Variants in SLC24A2 observed in about 807,000 individuals in gnomAD.
The protein encoded by SLC24A2 is sodium/potassium/calcium exchanger 2.
A neutral mutation model predicts 62.0 loss-of-function variants in SLC24A2; 36 were observed. The ratio of observed to expected loss-of-function variants is 0.58; its 90% CI spans 0.44 to 0.77. The LOEUF is 0.77. SLC24A2 is among the 30% of genes least tolerant of loss of function. The probability of loss-of-function intolerance (pLI) is 0.00; values close to 1 mark genes in which losing one functional copy is unlikely to be tolerated. For missense variants in SLC24A2, 846 were observed against 817.9 expected, an observed-to-expected ratio of 1.03 and a Z score of -0.42; for synonymous variants, 358 against 294.0, an observed-to-expected ratio of 1.22 and a Z score of -2.23.
At chr9:20,087,079 T>C in the SLC24A2 span, among the ~76,000 whole-genome samples, 2 of 152,196 alleles carry the variant, frequency 1.3e-5, no homozygotes, top group Non-Finnish European at 2.9e-5. Flanking sequence ...TATATCTGGC[T>C]CTTGCCTGAA....
the SLC24A2 span, among the ~76,000 whole-genome samples, chr9:20,038,664 T>C: frequency 6.8e-6 from 1 of 147,208 alleles, no homozygotes; most frequent in Non-Finnish European, 1.5e-5. Flanking sequence ...TCTTGCAAGA[T>C]AAAATCAGGA....
At chr9:20,209,806 C>A in the SLC24A2 span, among the ~76,000 whole-genome samples, 1 of 152,074 alleles carries the variant, frequency 6.6e-6, no homozygotes, top group Admixed American at 6.5e-5. Context: ...GAACAGGAAT[C>A]AATAGAAACC....
chr9:20,254,844 C>G, the SLC24A2 span, among the ~76,000 whole-genome samples: 1 of 152,116 alleles, frequency 6.6e-6, no homozygotes, highest in African/African-American at 2.4e-5. Context: ...GCTGGGGAGG[C>G]CTCACAGTCC....
At chr9:19,789,108 G>GCGCTGTGCGCTGGGAGCGGGGC (rs1823269735), upstream of SLC24A2, among the ~76,000 whole-genome samples, 1 of 152,198 alleles carries the variant, frequency 6.6e-6, no homozygotes, top group Admixed American at 6.5e-5. Flanking sequence ...TCTGGGCTGT[G>GCGCTGTGCGCTGGGAGCGGGGC]CGCTGTGCGC....
chr9:19,895,821 G>A, the SLC24A2 span: 3 of 1,601,758 alleles, frequency 1.9e-6, no homozygotes, highest in South Asian at 2.3e-5. Flanking sequence ...TGCAGCTGGT[G>A]TGGAAGGACC....
At chr9:19,565,601 C>G (rs1835616329) in intron 7 of SLC24A2, among the ~76,000 whole-genome samples, 1 of 152,046 alleles carries the variant, frequency 6.6e-6, no homozygotes, top group South Asian at 2.1e-4. Context: ...ACTTTTTTCA[C>G]AGAATTGGAA....
intron 2 of SLC24A2, among the ~76,000 whole-genome samples, chr9:19,729,080 C>G (rs1340046429): frequency 6.6e-6 from 1 of 152,038 alleles, no homozygotes; most frequent in East Asian, 1.9e-4. Context: ...ATAAGAGGAA[C>G]TGAATAGACA....
At chr9:19,928,497 A>C in the SLC24A2 span, 1 of 152,158 alleles carries the variant, frequency 6.6e-6, no homozygotes, top group Admixed American at 6.5e-5. Flanking sequence ...AATCCCTCTG[A>C]GGTTCTCTTT....
intron 2 of SLC24A2, among the ~76,000 whole-genome samples, chr9:19,730,234 G>C (rs981707148): frequency 1.1e-4 from 17 of 152,066 alleles, no homozygotes; most frequent in African/African-American, 3.6e-4. Context: ...GAAAATATTT[G>C]AATGTGAAAA....
At chr9:19,558,226 G>A (rs1322089123) in intron 7 of SLC24A2, among the ~76,000 whole-genome samples, 1 of 152,198 alleles carries the variant, frequency 6.6e-6, no homozygotes, top group Non-Finnish European at 1.5e-5. Context: ...GGGGTGTGTG[G>A]AGAGTAGGGG....
chr9:19,577,176 A>G (rs1836043698), intron 5 of SLC24A2, among the ~76,000 whole-genome samples, 154 bp from the exon 6 acceptor site: 1 of 152,106 alleles, frequency 6.6e-6, no homozygotes, highest in Admixed American at 6.5e-5. Context: ...CCTGAAGGGT[A>G]CTTTCTTGCC....
intron 2 of SLC24A2, among the ~76,000 whole-genome samples, chr9:19,659,634 C>G (rs1449257962): frequency 6.6e-6 from 1 of 152,098 alleles, no homozygotes; most frequent in Non-Finnish European, 1.5e-5. Context: ...TATTAACTCC[C>G]TTAGTGCCAT....
chr9:19,606,736 G>A (rs1183266522), intron 4 of SLC24A2, among the ~76,000 whole-genome samples: 1 of 152,204 alleles, frequency 6.6e-6, no homozygotes, highest in Non-Finnish European at 1.5e-5. Flanking sequence ...CTTTACAAAT[G>A]TGTATGTGCA....
intron 5 of SLC24A2, among the ~76,000 whole-genome samples, chr9:19,594,770 A>C (rs1170283342): frequency 2.0e-5 from 3 of 152,222 alleles, no homozygotes. Flanking sequence ...AGTGACATAA[A>C]TCACATATAT....
the SLC24A2 span, among the ~76,000 whole-genome samples, chr9:20,305,915 A>T: frequency 6.6e-6 from 1 of 151,940 alleles, no homozygotes; most frequent in Non-Finnish European, 1.5e-5. Flanking sequence ...TCTCTCCTTG[A>T]CTTATAGATG....
At chr9:20,267,910 A>C in the SLC24A2 span, among the ~76,000 whole-genome samples, 1 of 152,104 alleles carries the variant, frequency 6.6e-6, no homozygotes, top group South Asian at 2.1e-4. Flanking sequence ...GGTGCCAGGA[A>C]GTGAGAATAG....
chr9:20,278,555 C>A, the SLC24A2 span, among the ~76,000 whole-genome samples: 1 of 152,148 alleles, frequency 6.6e-6, no homozygotes, highest in African/African-American at 2.4e-5. Context: ...TGCTCCAGTT[C>A]CCAACATGTT....
chr9:19,908,904 T>A, the SLC24A2 span, among the ~76,000 whole-genome samples: 1 of 151,752 alleles, frequency 6.6e-6, no homozygotes. Context: ...CTAGTTCAAC[T>A]ATTGTGGAAG....
At chr9:20,093,102 G>A in the SLC24A2 span, among the ~76,000 whole-genome samples, 15 of 150,982 alleles carry the variant, frequency 9.9e-5, no homozygotes, top group South Asian at 2.1e-4. Flanking sequence ...ACCGAGTTTC[G>A]ATCTCGTTGC....
Sources: allele counts gnomAD v4.1 joint callset (sites outside exome capture counted in the v4.1 genomes callset), GRCh38; gene constraint gnomAD v4.1.1; transcripts MANE v1.5; gene names NCBI Gene and HGNC (gene_info 2026-07-23, HGNC 2026-07-21).